SORT1: variants seen among roughly 807,000 people sequenced by gnomAD.
SORT1 encodes sortilin.
SORT1 carries 39 observed loss-of-function variants against 101.7 expected under a neutral mutation model. The ratio of observed to expected loss-of-function variants is 0.38; its 90% CI spans 0.30 to 0.50. SORT1 has a LOEUF of 0.50. Ranked by LOEUF, SORT1 falls within the 20% of genes least tolerant of loss-of-function variation. The pLI is 0.90. For synonymous variants in SORT1, 396 were observed against 393.7 expected, an observed-to-expected ratio of 1.01 and a Z score of -0.07; for missense variants, 878 against 1,040.4, an observed-to-expected ratio of 0.84 and a Z score of 2.15.
At chr1:109,396,296 C>G (rs1226694122) in intron 1 of SORT1, among the ~76,000 whole-genome samples, 1 of 152,052 alleles carries the variant, frequency 6.6e-6, no homozygotes, top group African/African-American at 2.4e-5. Flanking sequence ...ATGCTGTGAC[C>G]AGCTAGCTCA....
At chr1:109,326,582 C>T (rs1648092910) in intron 13 of SORT1, among the ~76,000 whole-genome samples, 1 of 147,088 alleles carries the variant, frequency 6.8e-6, no homozygotes, top group Non-Finnish European at 1.5e-5. Flanking sequence ...TACATATATA[C>T]ACACACACAT....
At chr1:109,341,901 T>C (rs1384940814) in intron 9 of SORT1, 113 bp downstream of exon 9, 4 of 994,154 alleles carry the variant, frequency 4.0e-6, no homozygotes, top group Admixed American at 3.5e-5. Context: ...GAAAAATCAG[T>C]AGGGCACTAA....
intron 8 of SORT1, among the ~76,000 whole-genome samples, chr1:109,344,843 C>T (rs1649473995): frequency 6.6e-6 from 1 of 152,018 alleles, no homozygotes; most frequent in South Asian, 2.1e-4. Flanking sequence ...ACTACAGGCA[C>T]ATGCCACCAT....
intron 1 of SORT1, among the ~76,000 whole-genome samples, chr1:109,384,074 TG>T (rs142229623): frequency 0.019 from 2,953 of 152,302 alleles, 50 homozygotes; most frequent in South Asian, 0.035. Context: ...CCACTCAGTT[TG>T]CTTTTCAACT....
rs77691838 is a variant in SORT1, at chr1:109,320,192, T to C, written c.2025-2223A>G. ...TCTCCCTTAGTGATCACAACTATTT[T>C]TGGTTGCAACTAAAACTTCCAGGTT... On this transcript the variant is annotated intron_variant, in intron 15 of 19. Transcript: ENST00000256637. Among the ~76,000 whole-genome samples the C allele has an allele frequency of 5.1e-3, 770 of 152,322 alleles. 10 individuals are homozygous for C. The highest frequency in any genetic ancestry group is 0.018 in the African/African-American group (736 of 41,572).
chr1:109,357,353 C>T (rs906010060), intron 3 of SORT1, among the ~76,000 whole-genome samples: 2 of 152,200 alleles, frequency 1.3e-5, no homozygotes, highest in African/African-American at 4.8e-5. Context: ...AATGATGTTA[C>T]AGGTTTTGGT....
chr1:109,320,078 G>A (rs1647522530), intron 15 of SORT1, among the ~76,000 whole-genome samples: 1 of 152,056 alleles, frequency 6.6e-6, no homozygotes, highest in South Asian at 2.1e-4. Context: ...GCCACTGCTT[G>A]CTCTTCTTTC....
At chr1:109,371,052 A>G (rs1557816917) in intron 1 of SORT1, among the ~76,000 whole-genome samples, 1 of 152,358 alleles carries the variant, frequency 6.6e-6, no homozygotes, top group African/African-American at 2.4e-5. Flanking sequence ...TCTGGACCGT[A>G]AGTACCTTTG....
At position 109,312,036 on chromosome 1, in the gene SORT1, T is replaced by C. The variant is rs1191861622; in HGVS notation, c.*2007A>G. ...ATTAAAAGCGAAGAGCCCTATCGTA[T>C]ATGGTTAGAGAAGAATATTGAGTTT... On this transcript the variant is annotated 3_prime_UTR_variant, in exon 20 of 20. Coordinates refer to ENST00000256637, the MANE Select transcript of SORT1 (RefSeq NM_002959.7). The C allele has an allele frequency of 6.6e-6, 1 of 152,280 alleles. No homozygotes were observed. The highest frequency in any genetic ancestry group is 2.1e-4 in the South Asian group (1 of 4,830). The allele number at this position is 152,280 out of a possible 1,614,324, so 9.4% of individuals were successfully genotyped here.
intron 11 of SORT1, among the ~76,000 whole-genome samples, chr1:109,332,715 A>G (rs1648544300): frequency 6.6e-6 from 1 of 152,228 alleles, no homozygotes; most frequent in Admixed American, 6.5e-5. Flanking sequence ...TTCAAAATAT[A>G]TTATTGAGCT....
intron 3 of SORT1, among the ~76,000 whole-genome samples, chr1:109,363,000 T>C (rs951044488): frequency 4.6e-5 from 7 of 152,174 alleles, no homozygotes; most frequent in African/African-American, 1.7e-4. Context: ...CTTTAAGTTA[T>C]CCTTTTAAAA....
intron 15 of SORT1, among the ~76,000 whole-genome samples, chr1:109,319,265 C>T (rs1032436762): frequency 3.3e-5 from 5 of 152,318 alleles, no homozygotes; most frequent in Non-Finnish European, 7.3e-5. Flanking sequence ...CTCTCCTTTT[C>T]CTGTTTACCC....
intron 1 of SORT1, among the ~76,000 whole-genome samples, chr1:109,370,262 G>T (rs1651405136): frequency 1.3e-5 from 2 of 152,056 alleles, no homozygotes; most frequent in African/African-American, 2.4e-5. Flanking sequence ...ATCATTGTAG[G>T]TGGTTTTGGG....
intron 6 of SORT1, among the ~76,000 whole-genome samples, chr1:109,350,074 T>C (rs1473615399): frequency 6.6e-6 from 1 of 152,198 alleles, no homozygotes; most frequent in East Asian, 1.9e-4. Context: ...TCCTTCCAGC[T>C]CTCAGGCTGT....
Position 109,325,712 on chromosome 1 carries a change from C to T in SORT1, c.1644-623G>A, listed in dbSNP as rs562911466. ...ATTTAAGGCTGGCTGTGGTGGCTCACGCCTGTAATCCCAGAATTTTGGGAG... is the reference window on the plus strand; with the variant it reads ...ATTTAAGGCTGGCTGTGGTGGCTCATGCCTGTAATCCCAGAATTTTGGGAG... On this transcript the variant is annotated intron_variant, in intron 13 of 19. Coordinates refer to ENST00000256637, the MANE Select transcript of SORT1 (RefSeq NM_002959.7). 6.3e-4 allele frequency among the ~76,000 whole-genome samples: 96 copies of T among 152,066 alleles called. 1 individual carries two copies. The highest frequency in any genetic ancestry group is 3.4e-3 in the Middle Eastern group (1 of 294).
intron 11 of SORT1, among the ~76,000 whole-genome samples, chr1:109,327,983 T>C (rs1482515780): frequency 6.6e-6 from 1 of 152,250 alleles, no homozygotes; most frequent in East Asian, 1.9e-4. Context: ...TCATTTTGTG[T>C]CTGACTTATT....
chr1:109,372,862 G>A (rs1557818127), intron 1 of SORT1, among the ~76,000 whole-genome samples: 1 of 149,288 alleles, frequency 6.7e-6, no homozygotes, highest in African/African-American at 2.5e-5. Flanking sequence ...GCGCGCCACT[G>A]CACTCCAGCC....
At chr1:109,323,298 C>G (rs189552068) in intron 14 of SORT1, among the ~76,000 whole-genome samples, 177 bp from the exon 15 acceptor site, 2 of 152,214 alleles carry the variant, frequency 1.3e-5, no homozygotes, top group African/African-American at 4.8e-5. Context: ...TACTAGCAAT[C>G]GCATTTCCTC....
chr1:109,354,763 GCTAA>G lies in SORT1; in HGVS notation c.544-236_544-233del, dbSNP rs1432380801. Among the ~76,000 whole-genome samples the G allele has an allele frequency of 1.1e-4, 16 of 152,106 alleles. No homozygotes were observed. In the South Asian group the frequency reaches 1.2e-3, roughly 12 times the overall value. On this transcript the variant is annotated intron_variant, in intron 4 of 19. Coordinates refer to ENST00000256637, the MANE Select transcript of SORT1 (RefSeq NM_002959.7). ...ATCTGTGGGTTTAAGCCTAGATTAG[GCTAA>G]CTGAGATTAGTTTTCCAAAAAACTA...
Sources: gnomAD v4.1 joint callset for allele counts (sites outside exome capture counted in the v4.1 genomes callset) on GRCh38, gnomAD v4.1.1 for gene constraint, MANE v1.5 for transcripts, NCBI Gene and HGNC (gene_info 2026-07-23, HGNC 2026-07-21) for gene names.